The following CWF19L2 variants were observed in gnomAD, a reference collection of about 807,000 sequenced individuals.
CWF19L2 encodes the protein CWF19-like protein 2.
Under a neutral mutation model 111.7 loss-of-function variants are expected in CWF19L2, and 98 were observed. That is an observed-to-expected ratio of 0.88 (90% CI 0.75 to 1.04). The LOEUF (loss-of-function observed/expected upper bound fraction) is 1.04, where lower values mean the gene tolerates loss of function less well. Among genes scored for constraint, CWF19L2 ranks in the 50% least tolerant of loss-of-function variants. The pLI, the probability that CWF19L2 is intolerant of heterozygous loss-of-function variation, is 0.00. For missense variants in CWF19L2, 1,101 were observed against 1,051.4 expected (o/e 1.05, Z -0.65); for synonymous variants, 351 against 342.9 (o/e 1.02, Z -0.26).
chr11:107,439,529 AG>A (rs1267007083), intron 5 of CWF19L2, among the ~76,000 whole-genome samples: 1 of 152,226 alleles, frequency 6.6e-6, no homozygotes, highest in Non-Finnish European at 1.5e-5. Flanking sequence ...GGATGCAAAA[AG>A]AATTCAAATC....
intron 3 of CWF19L2, among the ~76,000 whole-genome samples, chr11:107,448,792 T>A (rs547224579): frequency 6.6e-6 from 1 of 152,192 alleles, no homozygotes; most frequent in East Asian, 1.9e-4. Context: ...AAGACAGCCA[T>A]CTCTGAGGAA....
chr11:107,362,688 A>G (rs941728613), intron 12 of CWF19L2, among the ~76,000 whole-genome samples: 5 of 151,216 alleles, frequency 3.3e-5, no homozygotes, highest in African/African-American at 1.2e-4. Context: ...ACCATCATCA[A>G]AGACCAAAAG....
intron 12 of CWF19L2, among the ~76,000 whole-genome samples, chr11:107,368,411 A>C (rs1160852097): frequency 7.2e-6 from 1 of 138,154 alleles, no homozygotes; most frequent in African/African-American, 2.9e-5. Flanking sequence ...TTCCCTATCT[A>C]ACTCTTCCAA....
At chr11:107,359,708 C>T (rs1216102770) in intron 12 of CWF19L2, among the ~76,000 whole-genome samples, 1 of 152,002 alleles carries the variant, frequency 6.6e-6, no homozygotes, top group Non-Finnish European at 1.5e-5. Context: ...CTCCTTGAAC[C>T]CAGGAGTTCA....
intron 2 of CWF19L2, among the ~76,000 whole-genome samples, chr11:107,455,207 T>C (rs1368954616): frequency 6.6e-6 from 1 of 152,138 alleles, no homozygotes. Flanking sequence ...AGGTGATGGA[T>C]ATGTTCATTA....
chr11:107,352,851 C>T (rs114334079), intron 13 of CWF19L2, among the ~76,000 whole-genome samples: 1,532 of 152,202 alleles, frequency 0.01, 23 homozygotes, highest in African/African-American at 0.035. Flanking sequence ...CTATTCGTTC[C>T]TGAAACTAGC....
intron 3 of CWF19L2, among the ~76,000 whole-genome samples, chr11:107,450,102 A>G (rs1254000970): frequency 7.0e-6 from 1 of 143,034 alleles, no homozygotes; most frequent in African/African-American, 2.5e-5. Flanking sequence ...CCATCTCAAG[A>G]AAAAAAAAAA....
At chr11:107,407,373 G>A (rs1369053973) in intron 10 of CWF19L2, among the ~76,000 whole-genome samples, 2 of 148,308 alleles carry the variant, frequency 1.3e-5, no homozygotes, top group Non-Finnish European at 3.0e-5. Context: ...ATGTGACATC[G>A]TCCCTCCATC....
intron 11 of CWF19L2, 132 bp from the exon 12 acceptor site, chr11:107,390,343 T>A (rs1289517556): frequency 1.3e-6 from 1 of 748,006 alleles, no homozygotes; most frequent in African/African-American, 1.8e-5. Context: ...TTCCAGTTTA[T>A]CCCTAGTCTG....
intron 10 of CWF19L2, chr11:107,404,161 G>T (rs1861046346): frequency 1.3e-6 from 1 of 775,770 alleles, no homozygotes; most frequent in Admixed American, 1.7e-5. Context: ...ACGATTTTTT[G>T]CATTTACGTA....
chr11:107,414,119 C>A (rs552031988), intron 10 of CWF19L2, among the ~76,000 whole-genome samples: 135 of 152,226 alleles, frequency 8.9e-4, no homozygotes, highest in Middle Eastern at 3.4e-3. Context: ...TGGACTACCT[C>A]AAAGGATACT....
rs1208150768 is a variant in CWF19L2, at chr11:107,337,364, GTT to G, written c.2203-653_2203-652del. On this transcript the variant is annotated intron_variant, in intron 14 of 17. Coordinates refer to ENST00000282251, the MANE Select transcript of CWF19L2 (RefSeq NM_152434.3). Reference sequence around the variant, plus strand: ...AATATAATCAGTTGTGGAGGTGTGTGTTTTGTGTGTGTGTGTGTGTGTGTGTG... The same window carrying G: ...AATATAATCAGTTGTGGAGGTGTGTGTTGTGTGTGTGTGTGTGTGTGTGTG... 3.2e-5 allele frequency among the ~76,000 whole-genome samples: 4 copies of G among 123,828 alleles called. No homozygotes were observed. The East Asian group carries it at 7.2e-4, about 22-fold the overall frequency. The allele number at this position is 123,828 out of a possible 152,430, so 81.2% of individuals were successfully genotyped here. A position where few individuals can be genotyped will look rare whatever the true frequency, so the allele number is the denominator to read the frequency against.
chr11:107,444,921 G>C (rs1267631253), intron 3 of CWF19L2, among the ~76,000 whole-genome samples: 1 of 152,068 alleles, frequency 6.6e-6, no homozygotes, highest in Non-Finnish European at 1.5e-5. Context: ...GGCCACTACT[G>C]ATTAGTTCAA....
intron 10 of CWF19L2, among the ~76,000 whole-genome samples, chr11:107,399,925 G>A (rs542544743): frequency 2.6e-5 from 4 of 152,044 alleles, no homozygotes; most frequent in East Asian, 1.9e-4. Context: ...CCTTCAAAAC[G>A]ATCCAAATAT....
chr11:107,386,520 C>A (rs1233991946), intron 12 of CWF19L2, among the ~76,000 whole-genome samples: 1 of 152,166 alleles, frequency 6.6e-6, no homozygotes, highest in Non-Finnish European at 1.5e-5. Context: ...AACCTCTACA[C>A]TGCCAAATCC....
chr11:107,371,482 A>C (rs1860509746), intron 12 of CWF19L2, among the ~76,000 whole-genome samples: 1 of 113,150 alleles, frequency 8.8e-6, no homozygotes, highest in Admixed American at 8.5e-5. Flanking sequence ...CAATATTTAA[A>C]GTACGGCATG....
At chr11:107,350,403 A>C (rs1176026832) in intron 13 of CWF19L2, among the ~76,000 whole-genome samples, 1 of 152,130 alleles carries the variant, frequency 6.6e-6, no homozygotes, top group Non-Finnish European at 1.5e-5. Flanking sequence ...TCGGGAGGTG[A>C]TTAGATCATG....
intron 12 of CWF19L2, among the ~76,000 whole-genome samples, chr11:107,380,008 C>T (rs1022102256): frequency 7.4e-5 from 10 of 135,086 alleles, no homozygotes; most frequent in Admixed American, 8.3e-5. Context: ...GATCGTACCA[C>T]TGCCCTCCAA....
At chr11:107,361,315 G>A (rs948677925) in intron 12 of CWF19L2, among the ~76,000 whole-genome samples, 4 of 152,158 alleles carry the variant, frequency 2.6e-5, no homozygotes, top group Non-Finnish European at 5.9e-5. Flanking sequence ...TGATCTGGCT[G>A]TCTATTGTTT....
Sources: gnomAD v4.1 joint callset for allele counts (sites outside exome capture counted in the v4.1 genomes callset) on GRCh38, gnomAD v4.1.1 for gene constraint, MANE v1.5 for transcripts, NCBI Gene and HGNC (gene_info 2026-07-23, HGNC 2026-07-21) for gene names.